The following PLXNA4 variants were observed in gnomAD, a reference collection of about 807,000 sequenced individuals.
PLXNA4 encodes the protein plexin A4, also known as plexin-A4.
A neutral mutation model predicts 191.8 loss-of-function variants in PLXNA4; 44 were observed. The ratio of observed to expected loss-of-function variants is 0.23; its 90% CI spans 0.18 to 0.29. The LOEUF (loss-of-function observed/expected upper bound fraction) is 0.29. Among genes scored for constraint, PLXNA4 ranks in the 10% least tolerant of loss-of-function variants. The pLI is 1.00. For synonymous variants in PLXNA4, 1,082 were observed against 1,009.5 expected (o/e 1.07, Z -1.36); for missense variants, 1,800 against 2,488.8 (o/e 0.72, Z 5.89).
At chr7:132,300,298 A>G (rs1486185113) in intron 3 of PLXNA4, among the ~76,000 whole-genome samples, 1 of 152,114 alleles carries the variant, frequency 6.6e-6, no homozygotes, top group East Asian at 1.9e-4. Flanking sequence ...GGTTTCCTGT[A>G]TGTCTCCCGG....
chr7:132,557,540 T>C (rs569489530), intron 1 of PLXNA4, among the ~76,000 whole-genome samples: 1,252 of 120,110 alleles, frequency 0.01, 5 homozygotes, highest in Non-Finnish European at 0.017. Flanking sequence ...CTTTAATTTA[T>C]CTTTTTTTTA....
At chr7:132,139,962 C>CTTCT (rs1402475218) in intron 30 of PLXNA4, among the ~76,000 whole-genome samples, 1 of 152,196 alleles carries the variant, frequency 6.6e-6, no homozygotes, top group African/African-American at 2.4e-5. Flanking sequence ...AACCATTAAC[C>CTTCT]TTCTTTACCA....
chr7:132,407,413 C>T (rs560432200), intron 3 of PLXNA4, among the ~76,000 whole-genome samples: 4 of 152,222 alleles, frequency 2.6e-5, no homozygotes, highest in South Asian at 2.1e-4. Context: ...TCCATTGATC[C>T]GGCACTCTGG....
At chr7:132,185,556 A>G in intron 15 of PLXNA4, 93 bp from the exon 16 acceptor site, 1 of 1,494,346 alleles carries the variant, frequency 6.7e-7, no homozygotes, top group Non-Finnish European at 8.9e-7. Flanking sequence ...CCTGCATGTC[A>G]GGATGCTCAG....
At chr7:132,439,097 A>C (rs1795587436) in intron 3 of PLXNA4, among the ~76,000 whole-genome samples, 1 of 152,162 alleles carries the variant, frequency 6.6e-6, no homozygotes, top group Non-Finnish European at 1.5e-5. Flanking sequence ...CACAAACTGC[A>C]GTTCTCTTTT....
intron 2 of PLXNA4, among the ~76,000 whole-genome samples, chr7:132,602,266 C>G (rs1802834582): frequency 6.6e-6 from 1 of 152,176 alleles, no homozygotes; most frequent in South Asian, 2.1e-4. Context: ...GCTTGACTCT[C>G]AAAGGGCTAT....
At chr7:132,511,623 T>C (rs1325793932) in intron 1 of PLXNA4, among the ~76,000 whole-genome samples, 2 of 152,214 alleles carry the variant, frequency 1.3e-5, no homozygotes, top group African/African-American at 4.8e-5. Context: ...ACAGAGCCTC[T>C]GCCTAGCACA....
intron 5 of PLXNA4, among the ~76,000 whole-genome samples, chr7:132,231,944 G>A (rs1798538062): frequency 6.6e-6 from 1 of 152,218 alleles, no homozygotes; most frequent in Non-Finnish European, 1.5e-5. Context: ...CAAGTGTAAG[G>A]TCAGAGCCAG....
At chr7:132,535,331 T>G (rs1041569173) in intron 1 of PLXNA4, among the ~76,000 whole-genome samples, 2 of 152,202 alleles carry the variant, frequency 1.3e-5, no homozygotes, top group African/African-American at 4.8e-5. Flanking sequence ...TCCCCAACTT[T>G]GTTGAGGGTT....
At chr7:132,356,179 TG>T (rs1292136452) in intron 3 of PLXNA4, among the ~76,000 whole-genome samples, 8 of 151,656 alleles carry the variant, frequency 5.3e-5, no homozygotes, top group African/African-American at 1.9e-4. Context: ...GGTGAGAAGC[TG>T]GGGTTCTATT....
Position 132,311,188 on chromosome 7 carries a change from G to GTGTGTGTGTGTGTGTGTGTT in PLXNA4, c.1372-12967_1372-12966insAACACACACACACACACACA, listed in dbSNP as rs1387461691. 9.0e-4 allele frequency among the ~76,000 whole-genome samples: 123 copies of GTGTGTGTGTGTGTGTGTGTT among 136,530 alleles called. 1 individual carries two copies. The highest frequency in any genetic ancestry group is 3.3e-3 in the African/African-American group (119 of 36,348). 89.6% of individuals were successfully genotyped at this position (136,530 alleles called of 152,430 possible). A position where few individuals can be genotyped will look rare whatever the true frequency, so the allele number is the denominator to read the frequency against. On this transcript the variant is annotated intron_variant, in intron 3 of 31. Coordinates refer to ENST00000321063, the MANE Select transcript of PLXNA4 (RefSeq NM_020911.2). ...TGTGTGTGTGTGTGTGTGTGTGTGTGTGTGTGCGCGTGTGGCCTAAAGGAG... is the reference window on the plus strand; with the variant it reads ...TGTGTGTGTGTGTGTGTGTGTGTGTGTGTGTGTGTGTGTGTGTGTTTGTGTGCGCGTGTGGCCTAAAGGAG...
intron 3 of PLXNA4, among the ~76,000 whole-genome samples, chr7:132,438,144 G>A (rs913873653): frequency 2.0e-5 from 3 of 152,182 alleles, no homozygotes; most frequent in East Asian, 1.9e-4. Flanking sequence ...GGGTTTGCAC[G>A]CAGCATGCCA....
intron 3 of PLXNA4, among the ~76,000 whole-genome samples, chr7:132,444,271 T>G (rs1795807779): frequency 6.6e-6 from 1 of 152,274 alleles, no homozygotes; most frequent in African/African-American, 2.4e-5. Context: ...TTTCTTTTTT[T>G]GAGAAGAAGT....
intron 22 of PLXNA4, among the ~76,000 whole-genome samples, 153 bp from the exon 23 acceptor site, chr7:132,165,353 G>C (rs971328869): frequency 1.3e-5 from 2 of 152,184 alleles, no homozygotes; most frequent in African/African-American, 2.4e-5. Context: ...ATGAATATGA[G>C]AGTTTCATGG....
chr7:132,409,023 A>G (rs1434267506), intron 3 of PLXNA4, among the ~76,000 whole-genome samples: 1 of 152,184 alleles, frequency 6.6e-6, no homozygotes, highest in African/African-American at 2.4e-5. Flanking sequence ...AAACTATGCT[A>G]CAAGTAAAAC....
intron 20 of PLXNA4, among the ~76,000 whole-genome samples, chr7:132,176,363 T>C (rs1796456229): frequency 6.6e-6 from 1 of 152,250 alleles, no homozygotes; most frequent in Non-Finnish European, 1.5e-5. Flanking sequence ...TGTGTGTGCA[T>C]GTGTTTTTGG....
intron 25 of PLXNA4, among the ~76,000 whole-genome samples, chr7:132,151,297 GAA>G (rs1491517882): frequency 1.7e-3 from 93 of 55,012 alleles, no homozygotes; most frequent in Non-Finnish European, 3.8e-3. Context: ...GGAGGAAGAA[GAA>G]GGAGGAGGAA....
intron 2 of PLXNA4, among the ~76,000 whole-genome samples, chr7:132,589,841 T>G (rs1001505002): frequency 8.5e-5 from 13 of 152,188 alleles, no homozygotes; most frequent in Non-Finnish European, 1.8e-4. Flanking sequence ...ACAACTTCCT[T>G]GAGGTGGTGA....
At chr7:132,276,150 A>G (rs1800269493) in intron 4 of PLXNA4, among the ~76,000 whole-genome samples, 1 of 152,160 alleles carries the variant, frequency 6.6e-6, no homozygotes, top group African/African-American at 2.4e-5. Flanking sequence ...GGTCCCCTCC[A>G]GAATGTAAGC....
Sources: allele counts gnomAD v4.1 joint callset (sites outside exome capture counted in the v4.1 genomes callset), GRCh38; gene constraint gnomAD v4.1.1; transcripts MANE v1.5; gene names NCBI Gene and HGNC (gene_info 2026-07-23, HGNC 2026-07-21).